The following LPP variants were observed in gnomAD, a reference collection of about 807,000 sequenced individuals.
LPP encodes LIM domain containing preferred translocation partner in lipoma.
Under a neutral mutation model 60.4 loss-of-function variants are expected in LPP, and 38 were observed. That is an observed-to-expected ratio of 0.63 (90% CI 0.49 to 0.83). LPP has a LOEUF of 0.83. Among genes scored for constraint, LPP ranks in the 40% least tolerant of loss-of-function variants. The pLI is 0.00. For synonymous variants in LPP, 328 were observed against 290.8 expected, an observed-to-expected ratio of 1.13 and a Z score of -1.30; for missense variants, 902 against 783.6, an observed-to-expected ratio of 1.15 and a Z score of -1.80.
chr3:188,861,121 A>C (rs1765101759), intron 9 of LPP, among the ~76,000 whole-genome samples: 1 of 152,174 alleles, frequency 6.6e-6, no homozygotes, highest in Admixed American at 6.5e-5. Flanking sequence ...TGGGCTCTTT[A>C]ATATGTGCTT....
At chr3:188,684,597 T>G (rs1282299448) in intron 7 of LPP, among the ~76,000 whole-genome samples, 1 of 152,090 alleles carries the variant, frequency 6.6e-6, no homozygotes, top group Non-Finnish European at 1.5e-5. Flanking sequence ...CTGTTAGTGT[T>G]AGAAATGGAG....
intron 2 of LPP, chr3:188,240,057 A>T (rs1723391562): frequency 5.1e-6 from 1 of 197,378 alleles, no homozygotes; most frequent in Admixed American, 6.0e-5. Context: ...GAGCACCTAG[A>T]TCTCTGGTAT....
At chr3:188,764,412 C>CT (rs1223716575) in intron 9 of LPP, among the ~76,000 whole-genome samples, 5 of 151,362 alleles carry the variant, frequency 3.3e-5, no homozygotes, top group South Asian at 2.1e-4. Flanking sequence ...TTTATCATTG[C>CT]TTTTTTTTTC....
intron 5 of LPP, among the ~76,000 whole-genome samples, chr3:188,494,167 C>T (rs993750609): frequency 3.9e-5 from 6 of 152,124 alleles, no homozygotes; most frequent in Non-Finnish European, 8.8e-5. Context: ...AAGAATTGCC[C>T]TTAGATGCAC....
intron 9 of LPP, among the ~76,000 whole-genome samples, chr3:188,784,186 A>G (rs1243803689): frequency 6.6e-6 from 1 of 151,402 alleles, no homozygotes; most frequent in African/African-American, 2.4e-5. Context: ...TTGGTTTTCC[A>G]TTCCTGAGTT....
rs757883563 is a variant in LPP at position 188,406,164 on chromosome 3, C to A, written c.44C>A (p.Pro15His). ...SWLPPKSTGEPLGHVPARMET... is the reference protein window; with the variant it reads ...SWLPPKSTGEHLGHVPARMET... ...CTGCCACCCAAAAGCACTGGTGAGC[C>A]CCTCGGCCATGTGCCTGCACGGATG... is the stretch of plus-strand genomic sequence containing the variant. Residue 15 changes from proline to histidine, a missense_variant, in exon 4 of 12, where the codon CCC (proline) becomes CAC (histidine). Physicochemically the swap from Pro to His is moderately conservative, Grantham distance 77 (BLOSUM62 -2). Transcript: ENST00000617246. The A allele has an allele frequency of 6.2e-7, 1 of 1,614,114 alleles. No individual in the cohort carries two copies. Among genetic ancestry groups the A allele is most frequent in the Non-Finnish European group, 8.5e-7 (1 of 1,179,976 alleles).
At chr3:188,159,191 C>T (rs912412207) in intron 1 of LPP, among the ~76,000 whole-genome samples, 5 of 152,312 alleles carry the variant, frequency 3.3e-5, no homozygotes, top group Middle Eastern at 6.8e-3. Context: ...GATCTCACGG[C>T]TCCGGTAACG....
intron 6 of LPP, among the ~76,000 whole-genome samples, chr3:188,597,949 G>A (rs146894437): frequency 8.4e-4 from 128 of 152,250 alleles, no homozygotes; most frequent in Middle Eastern, 3.4e-3. Context: ...AAAACAAGAC[G>A]TAAGGGTTAT....
chr3:188,780,440 G>A (rs758481322), intron 9 of LPP, among the ~76,000 whole-genome samples: 5 of 152,164 alleles, frequency 3.3e-5, no homozygotes, highest in Non-Finnish European at 7.3e-5. Flanking sequence ...GGCACAGTTT[G>A]TATCCAAATT....
chr3:188,194,205 A>T (rs948860925), intron 1 of LPP, among the ~76,000 whole-genome samples: 1 of 152,248 alleles, frequency 6.6e-6, no homozygotes, highest in Non-Finnish European at 1.5e-5. Flanking sequence ...TTAGACAGCA[A>T]AAGAATCCAA....
intron 9 of LPP, among the ~76,000 whole-genome samples, chr3:188,788,544 T>G (rs1237148702): frequency 6.6e-6 from 1 of 152,216 alleles, no homozygotes; most frequent in Non-Finnish European, 1.5e-5. Flanking sequence ...GTATTTAAAT[T>G]ACCTATTTGA....
chr3:188,884,307 A>G lies in LPP; in HGVS notation c.*9828A>G, dbSNP rs1271693079. 2 of 230,608 alleles carry G rather than the reference A, an allele frequency of 8.7e-6. No homozygotes were observed. The highest frequency in any genetic ancestry group is 2.2e-5 in the African/African-American group (1 of 45,178). 14.3% of individuals were successfully genotyped at this position (230,608 alleles called of 1,614,324 possible). A position where few individuals can be genotyped will look rare whatever the true frequency, so the allele number is the denominator to read the frequency against. On this transcript the variant is annotated 3_prime_UTR_variant, in exon 12 of 12. Transcript: ENST00000617246. ...GTGCTGTCTCCAAGTAGCCACGCTC[A>G]CAGCTGAGAACACCTTAGAGGACAA...
intron 3 of LPP, among the ~76,000 whole-genome samples, chr3:188,366,790 T>G (rs2151008930): frequency 6.6e-6 from 1 of 152,352 alleles, no homozygotes; most frequent in Admixed American, 6.5e-5. Flanking sequence ...GAGACAAATA[T>G]TGGCCTGTGC....
intron 2 of LPP, among the ~76,000 whole-genome samples, chr3:188,236,500 G>A (rs978394472): frequency 6.6e-6 from 1 of 152,140 alleles, no homozygotes; most frequent in African/African-American, 2.4e-5. Context: ...TGTAAAAGTG[G>A]TCATGCATGC....
At chr3:188,527,830 C>T (rs1395335081) in intron 6 of LPP, among the ~76,000 whole-genome samples, 1 of 150,654 alleles carries the variant, frequency 6.6e-6, no homozygotes, top group African/African-American at 2.4e-5. Context: ...CTCACTGCAA[C>T]CTCCGCCTCC....
At chr3:188,360,930 G>A (rs1769119846) in intron 3 of LPP, among the ~76,000 whole-genome samples, 1 of 152,182 alleles carries the variant, frequency 6.6e-6, no homozygotes, top group African/African-American at 2.4e-5. Context: ...AAATGAGATA[G>A]CGGGTGTATA....
At chr3:188,479,279 A>G (rs1479590127) in intron 4 of LPP, among the ~76,000 whole-genome samples, 2 of 152,128 alleles carry the variant, frequency 1.3e-5, no homozygotes, top group Non-Finnish European at 2.9e-5. Flanking sequence ...TCTCCCCTCA[A>G]CAAAGTGGGA....
intron 4 of LPP, among the ~76,000 whole-genome samples, chr3:188,469,987 A>G (rs1391644061): frequency 6.6e-6 from 1 of 152,070 alleles, no homozygotes; most frequent in African/African-American, 2.4e-5. Context: ...TTTTAAATTT[A>G]AATACTTTGG....
At chr3:188,280,306 C>A (rs763212663) in intron 2 of LPP, among the ~76,000 whole-genome samples, 5 of 152,110 alleles carry the variant, frequency 3.3e-5, no homozygotes, top group African/African-American at 7.2e-5. Flanking sequence ...GGGGGTGGGT[C>A]ATCTATGAAG....
Sources: gnomAD v4.1 joint callset for allele counts (sites outside exome capture counted in the v4.1 genomes callset) on GRCh38, gnomAD v4.1.1 for gene constraint, MANE v1.5 for transcripts, NCBI Gene and HGNC (gene_info 2026-07-23, HGNC 2026-07-21) for gene names.